The following TRIM28 variants were observed in gnomAD, a reference collection of about 807,000 sequenced individuals.
TRIM28 encodes tripartite motif containing 28.
A neutral mutation model predicts 87.4 loss-of-function variants in TRIM28; 8 were observed. That is an observed-to-expected ratio of 0.09 (90% CI 0.05 to 0.17). TRIM28 has a LOEUF of 0.17. Among genes scored for constraint, TRIM28 ranks in the 10% least tolerant of loss-of-function variants. TRIM28 has a pLI of 1.00. For missense variants in TRIM28, 968 were observed against 1,131.8 expected, an observed-to-expected ratio of 0.86 and a Z score of 2.08; for synonymous variants, 601 against 454.3, an observed-to-expected ratio of 1.32 and a Z score of -4.11.
chr19:58,547,251 C>G lies in TRIM28; in HGVS notation c.587-125C>G, dbSNP rs1454107284. On this transcript the variant is annotated intron_variant, in intron 3 of 16. Coordinates refer to ENST00000253024, the MANE Select transcript of TRIM28 (RefSeq NM_005762.3). ...CTGTGTTCTTCCCTGGCCACACCCT[C>G]TACATCTTCCCAATAAATGGCCCAG... 16 of 1,302,958 alleles carry G rather than the reference C, an allele frequency of 1.2e-5. No homozygotes were observed. In the South Asian group the frequency reaches 1.5e-4, roughly 13 times the overall value. 80.7% of individuals were successfully genotyped at this position (1,302,958 alleles called of 1,614,324 possible).
rs1484002818 is a variant in TRIM28, at chr19:58,545,046, C to CCCG, written c.298_300dup (p.Ala100dup). On this transcript the variant is annotated inframe_insertion, in exon 1 of 17. Transcript: ENST00000253024. ...TAGTGCCTGCTTAGGGCCCGCGGCC[C>CCCG]CCGCCGCCGCCAACAGCTCGGGGGA... is the stretch of plus-strand genomic sequence containing the variant. The CCCG allele has an allele frequency of 8.2e-6, 12 of 1,459,706 alleles. No individual in the cohort carries two copies. The highest frequency in any genetic ancestry group is 2.7e-5 in the East Asian group (1 of 37,390). The allele number at this position is 1,459,706 out of a possible 1,614,324, so 90.4% of individuals were successfully genotyped here. A position where few individuals can be genotyped will look rare whatever the true frequency, so the allele number is the denominator to read the frequency against.
At position 58,544,925 on chromosome 19, in the gene TRIM28, C is replaced by T. The variant is rs1389882815; in HGVS notation, c.168C>T (p.Ala56=). ...CGTCGTCGCCCGCGGGGGGCGGCGC[C>T]GAGGCGCTGGAGCTGCTGGAGCACT... ...AAASSPAGGG[A]EALELLEHCG... is the part of the protein sequence containing the mutation. The change falls in exon 1 of 17, where the codon GCC becomes GCT. Residue 56 remains alanine (A), a synonymous_variant. Coordinates refer to ENST00000253024, the MANE Select transcript of TRIM28 (RefSeq NM_005762.3). 1.4e-6 allele frequency: 2 copies of T among 1,421,040 alleles called. No homozygotes were observed. Among genetic ancestry groups the T allele is most frequent in the Non-Finnish European group, 1.8e-6 (2 of 1,097,030 alleles). 88.0% of individuals were successfully genotyped at this position (1,421,040 alleles called of 1,614,324 possible).
intron 3 of TRIM28, among the ~76,000 whole-genome samples, chr19:58,546,311 A>AGT (rs1182708725): frequency 6.6e-6 from 1 of 152,178 alleles, no homozygotes; most frequent in Admixed American, 6.5e-5. Flanking sequence ...ATGGATTATA[A>AGT]GTGATGATGA....
At position 58,548,036 on chromosome 19, in the gene TRIM28, G is replaced by A. The variant is rs375174613; in HGVS notation, c.957G>A (p.Lys319=). The A allele has an allele frequency of 2.0e-5, 33 of 1,614,062 alleles. No individual in the cohort carries two copies. Among genetic ancestry groups the A allele is most frequent in the Non-Finnish European group, 2.7e-5 (32 of 1,180,042 alleles). ...RGRVLVNDAQ[K]VTEGQQERLE... ...CCTCATACACCTTCTATCTGCAGAA[G>A]GTGACTGAGGGGCAGCAGGAGCGCC... is the stretch of plus-strand genomic sequence containing the variant. Residue 319 remains lysine (K), a splice_region_variant and synonymous_variant, in exon 7 of 17, where the codon AAG becomes AAA. Transcript: ENST00000253024.
rs972370195 is a variant in TRIM28, at chr19:58,549,231, C to T, written c.1653C>T (p.Ala551=). The T allele has an allele frequency of 1.2e-6, 2 of 1,613,292 alleles. No individual in the cohort carries two copies. The highest frequency in any genetic ancestry group is 2.7e-5 in the African/African-American group (2 of 74,916). ...TPGAPPLAGM[A]IVKEEETEAA... is the part of the protein sequence containing the mutation. ...GTGCCCCACCCCTGGCTGGCATGGCCATTGTCAAGGTAAGCCTGTCCCAAG... is the reference window on the plus strand; with the variant it reads ...GTGCCCCACCCCTGGCTGGCATGGCTATTGTCAAGGTAAGCCTGTCCCAAG... Residue 551 remains alanine (A), a synonymous_variant, in exon 12 of 17, where the codon GCC becomes GCT. Coordinates refer to ENST00000253024, the MANE Select transcript of TRIM28 (RefSeq NM_005762.3). This position sits in a 1 kb window ranked among gnomAD's most constrained non-coding sequence, Gnocchi z 4.4.
intron 1 of TRIM28, 39 bp downstream of exon 1, chr19:58,545,136 C>G (rs1183956176): frequency 2.2e-6 from 3 of 1,384,746 alleles, no homozygotes; most frequent in African/African-American, 1.5e-5. Flanking sequence ...TCCCCCTACT[C>G]TCTGCCTTTG....
Position 58,549,387 on chromosome 19 carries a change from G to A in TRIM28, c.1719G>A (p.Glu573=), listed in dbSNP as rs1250273802. 1 of 1,584,744 alleles carries A rather than the reference G, an allele frequency of 6.3e-7. No homozygotes were observed. The highest frequency in any genetic ancestry group is 8.6e-7 in the Non-Finnish European group (1 of 1,161,994). ...CTCCTACTGCCACTGAGGGCCCTGA[G>A]ACCAAACCTGTGCTTATGGCTCTTG... is the stretch of plus-strand genomic sequence containing the variant. The part of the protein sequence containing the change: ...GAPPTATEGP[E]TKPVLMALAE... Residue 573 remains glutamate (E), a synonymous_variant, in exon 13 of 17, where the codon GAG becomes GAA. Coordinates refer to ENST00000253024, the MANE Select transcript of TRIM28 (RefSeq NM_005762.3). This position sits in a 1 kb window ranked among gnomAD's most constrained non-coding sequence, Gnocchi z 4.4.
At chr19:58,550,077 T>C (rs1220279918) in intron 15 of TRIM28, 42 bp downstream of exon 15, 1 of 1,613,600 alleles carries the variant, frequency 6.2e-7, no homozygotes, top group Non-Finnish European at 8.5e-7. Context: ...TGGTGGCTGC[T>C]GGGTCTCGCC....
At position 58,544,254 on chromosome 19, in the gene TRIM28, C is replaced by G. The variant is rs780581567; in HGVS notation, c.-504C>G. On this transcript the variant is annotated 5_prime_UTR_variant, in exon 1 of 17. It introduces an in-frame stop codon into an upstream open reading frame of the 5' UTR. Transcript: ENST00000253024. ...GCGGATTCAATTGCGGCAGTGACGTCACAGAGGCCCCGCCCCGCCCCCACA... is the reference window on the plus strand; with the variant it reads ...GCGGATTCAATTGCGGCAGTGACGTGACAGAGGCCCCGCCCCGCCCCCACA... 1 of 152,216 alleles carries G rather than the reference C, an allele frequency of 6.6e-6. No individual in the cohort carries two copies. The highest frequency in any genetic ancestry group is 1.5e-5 in the Non-Finnish European group (1 of 68,138). 9.4% of individuals were successfully genotyped at this position (152,216 alleles called of 1,614,324 possible). A position where few individuals can be genotyped will look rare whatever the true frequency, so the allele number is the denominator to read the frequency against.
At position 58,547,864 on chromosome 19, in the gene TRIM28, G is replaced by A; in HGVS notation, c.912G>A (p.Lys304=). 6.2e-7 allele frequency: 1 copy of A among 1,614,200 alleles called. No individual in the cohort carries two copies. The highest frequency in any genetic ancestry group is 8.5e-7 in the Non-Finnish European group (1 of 1,180,044). The change falls in exon 6 of 17, where the codon AAG becomes AAA. Residue 304 remains lysine, a synonymous_variant. Coordinates refer to ENST00000253024, the MANE Select transcript of TRIM28 (RefSeq NM_005762.3). ...DVKMAILQIM[K]ELNKRGRVLV... ...AGATGGCCATCCTGCAGATCATGAA[G>A]GAGCTGAATAAGCGGGGCCGTGTGC...
chr19:58,547,062 A>C (rs1600081004), intron 3 of TRIM28: 4 of 220,564 alleles, frequency 1.8e-5, no homozygotes, highest in Non-Finnish European at 1.6e-5. Context: ...AGTGTGGGGA[A>C]GGGTCAGCGG....
chr19:58,545,696 T>C (rs1393785065), intron 2 of TRIM28, 68 bp from the exon 3 acceptor site: 1 of 1,573,012 alleles, frequency 6.4e-7, no homozygotes, highest in Non-Finnish European at 8.7e-7. Context: ...TCCGGTTGTA[T>C]TTTCTGGGAT....
chr19:58,544,885 C>G lies in TRIM28; in HGVS notation c.128C>G (p.Ser43Cys). Residue 43 changes from serine to cysteine, a missense_variant, in exon 1 of 17, where the codon TCT (serine) becomes TGT (cysteine). Transcript: ENST00000253024. ...GCCCCTTCGGCCGCAGCCTCGGCCTCTGCCTCAGCCGCGGCGTCGTCGCCC... is the reference window on the plus strand; with the variant it reads ...GCCCCTTCGGCCGCAGCCTCGGCCTGTGCCTCAGCCGCGGCGTCGTCGCCC... ...STAPSAAASA[S>C]ASAAASSPAG... The G allele has an allele frequency of 1.5e-6, 2 of 1,365,568 alleles. No individual in the cohort carries two copies. Among genetic ancestry groups the G allele is most frequent in the Non-Finnish European group, 1.9e-6 (2 of 1,067,026 alleles). The allele number at this position is 1,365,568 out of a possible 1,614,324, so 84.6% of individuals were successfully genotyped here.
intron 2 of TRIM28, 73 bp downstream of exon 2, chr19:58,545,610 G>A: frequency 6.7e-7 from 1 of 1,491,408 alleles, no homozygotes; most frequent in Non-Finnish European, 9.2e-7. Context: ...CTTGGCACCA[G>A]CTCCAGGCTG....
Position 58,548,606 on chromosome 19 carries a change from A to G in TRIM28, c.1323+14A>G, listed in dbSNP as rs373793546. The G allele has an allele frequency of 1.3e-6, 2 of 1,549,028 alleles. No individual in the cohort carries two copies. The highest frequency in any genetic ancestry group is 1.7e-6 in the Non-Finnish European group (2 of 1,143,738). ...GGCAGCAGCCAGGTGAGCAGGAGAGAGGACCCAGGAAGGGGTGGGCAGGGA... is the reference window on the plus strand; with the variant it reads ...GGCAGCAGCCAGGTGAGCAGGAGAGGGGACCCAGGAAGGGGTGGGCAGGGA... On this transcript the variant is annotated intron_variant, in intron 9 of 16. Coordinates refer to ENST00000253024, the MANE Select transcript of TRIM28 (RefSeq NM_005762.3).
At chr19:58,550,066 G>A (rs113215115) in intron 15 of TRIM28, 31 bp downstream of exon 15, 4 of 1,613,864 alleles carry the variant, frequency 2.5e-6, no homozygotes, top group Non-Finnish European at 3.4e-6. Context: ...GGGGAAGGGG[G>A]TGGTGGCTGC....
At chr19:58,546,839 A>G (rs983229017) in intron 3 of TRIM28, among the ~76,000 whole-genome samples, 2 of 152,146 alleles carry the variant, frequency 1.3e-5, no homozygotes, top group African/African-American at 4.8e-5. Flanking sequence ...TGTGACCACC[A>G]TTCTGAGGGT....
At chr19:58,547,284 G>A (rs1568660393) in intron 3 of TRIM28, 92 bp from the exon 4 acceptor site, 10 of 1,529,524 alleles carry the variant, frequency 6.5e-6, no homozygotes, top group Non-Finnish European at 8.0e-6. Context: ...CAGTGTCACA[G>A]AACAGGCCGG....
intron 3 of TRIM28, 51 bp from the exon 4 acceptor site, chr19:58,547,325 A>AGTTG (rs750282938): frequency 5.6e-6 from 9 of 1,598,606 alleles, no homozygotes; most frequent in Non-Finnish European, 7.7e-6. Context: ...CTGCTTCCTG[A>AGTTG]GTTGGGGGTG....
Sources: gnomAD v4.1 joint callset for allele counts (sites outside exome capture counted in the v4.1 genomes callset) on GRCh38, gnomAD v4.1.1 for gene constraint, Gnocchi (gnomAD v3.1) non-coding constraint, MANE v1.5 for transcripts, NCBI Gene and HGNC (gene_info 2026-07-23, HGNC 2026-07-21) for gene names.